Variants in TM9SF4 observed in about 807,000 individuals in gnomAD.
TM9SF4 encodes the protein transmembrane 9 superfamily member 4.
TM9SF4 carries 26 observed loss-of-function variants against 90.4 expected under a neutral mutation model. The observed-to-expected ratio is 0.29, with a 90% CI of 0.21 to 0.40. TM9SF4 has a LOEUF of 0.40. TM9SF4 is among the 10% of genes least tolerant of loss of function. The probability of loss-of-function intolerance (pLI) is 1.00; values close to 1 mark genes in which losing one functional copy is unlikely to be tolerated. For missense variants in TM9SF4, 549 were observed against 834.8 expected, an observed-to-expected ratio of 0.66 and a Z score of 4.22; for synonymous variants, 293 against 315.4, an observed-to-expected ratio of 0.93 and a Z score of 0.75.
At chr20:32,115,731 C>T (rs1443966917) in intron 1 of TM9SF4, among the ~76,000 whole-genome samples, 5 of 150,432 alleles carry the variant, frequency 3.3e-5, no homozygotes, top group Non-Finnish European at 7.4e-5. Flanking sequence ...TTGGGAAAAC[C>T]GTTTGCGCTT....
At chr20:32,127,859 G>A (rs2046446598) in intron 1 of TM9SF4, among the ~76,000 whole-genome samples, 1 of 152,190 alleles carries the variant, frequency 6.6e-6, no homozygotes, top group African/African-American at 2.4e-5. Flanking sequence ...GATAACCAGA[G>A]GAGATTGTGA....
chr20:32,161,263 GT>G lies in TM9SF4; in HGVS notation c.1690-10del. The G allele has an allele frequency of 6.2e-7, 1 of 1,612,858 alleles. No individual in the cohort carries two copies. On this transcript the variant is annotated splice_polypyrimidine_tract_variant and intron_variant, in intron 16 of 17. Transcript: ENST00000398022. ...CCCAGGACAACACTGACCTTCCTCT[GT>G]TTCCTCCTCAGGATTACCGCTGGTG...
intron 1 of TM9SF4, 87 bp downstream of exon 1, chr20:32,109,842 G>A (rs1476898161): frequency 1.3e-6 from 2 of 1,546,678 alleles, no homozygotes; most frequent in Admixed American, 2.0e-5. Context: ...GCCTGGCCCT[G>A]AGCCACCTCC....
intron 1 of TM9SF4, among the ~76,000 whole-genome samples, chr20:32,125,153 T>TG (rs73621658): frequency 6.6e-6 from 1 of 152,126 alleles, no homozygotes; most frequent in East Asian, 1.9e-4. Flanking sequence ...GCCCTTAGAG[T>TG]GGGCCCACTG....
chr20:32,141,251 G>T (rs933293709), intron 3 of TM9SF4, among the ~76,000 whole-genome samples: 1 of 149,130 alleles, frequency 6.7e-6, no homozygotes, highest in Non-Finnish European at 1.5e-5. Flanking sequence ...AGGATGTGAT[G>T]CTTGATGAGT....
chr20:32,128,184 C>G (rs924234337), intron 1 of TM9SF4, among the ~76,000 whole-genome samples: 1 of 152,148 alleles, frequency 6.6e-6, no homozygotes, highest in Non-Finnish European at 1.5e-5. Flanking sequence ...AGGCTCAGTG[C>G]TTTCCCTAGC....
At chr20:32,122,127 C>T (rs1172328090) in intron 1 of TM9SF4, among the ~76,000 whole-genome samples, 6 of 143,356 alleles carry the variant, frequency 4.2e-5, no homozygotes, top group African/African-American at 1.6e-4. Context: ...CCCTCACCTC[C>T]CAGACGGGGC....
chr20:32,146,462 C>A (rs979710761), intron 8 of TM9SF4, among the ~76,000 whole-genome samples: 3 of 152,082 alleles, frequency 2.0e-5, no homozygotes, highest in Non-Finnish European at 4.4e-5. Flanking sequence ...AGAGGTGGAG[C>A]CACAGGCAGC....
At chr20:32,145,241 A>G in intron 7 of TM9SF4, 32 bp downstream of exon 7, 1 of 1,613,380 alleles carries the variant, frequency 6.2e-7, no homozygotes, top group Non-Finnish European at 8.5e-7. Context: ...TGGGCAGGGG[A>G]GGAGGGCTCT....
At chr20:32,123,190 A>G (rs1292091056) in intron 1 of TM9SF4, among the ~76,000 whole-genome samples, 11 of 1,088 alleles carry the variant, frequency 0.01, no homozygotes, top group South Asian at 0.062. Flanking sequence ...GGGGAGGGGG[A>G]GAGGGGGAGG....
In TM9SF4 at chr20:32,145,156, A is replaced by G. The variant is rs757352238; in HGVS notation, c.718A>G (p.Ile240Val). The stretch of plus-strand genomic sequence containing the variant: ...GGGTACCAACTCCTCGCCCCAAGAA[A>G]TTGACCCCACCAAGGAGAATCAGCT... Reference protein sequence around the residue: ...PEGTNSSPQEIDPTKENQLYF... With the variant: ...PEGTNSSPQEVDPTKENQLYF... Residue 240 changes from isoleucine (I) to valine (V), a missense_variant, in exon 7 of 18, where the codon ATT becomes GTT. Transcript: ENST00000398022. 1.2e-5 allele frequency: 20 copies of G among 1,613,976 alleles called. No individual in the cohort carries two copies. Among genetic ancestry groups the G allele is most frequent in the Non-Finnish European group, 1.7e-5 (20 of 1,180,020 alleles).
In TM9SF4 at chr20:32,159,982, G is replaced by A; in HGVS notation, c.1570-10G>A. 15 of 1,614,236 alleles carry A rather than the reference G, an allele frequency of 9.3e-6. No individual in the cohort carries two copies. Among genetic ancestry groups the A allele is most frequent in the Non-Finnish European group, 1.3e-5 (15 of 1,180,028 alleles). ...GTCAAGCCAGCTGAAGCCCCACTGT[G>A]TGTCCACAGGCTATCTGGGAGAATC... On this transcript the variant is annotated splice_polypyrimidine_tract_variant and intron_variant, in intron 15 of 17. Transcript: ENST00000398022.
chr20:32,150,555 G>GGGGCTA, intron 10 of TM9SF4, 67 bp from the exon 11 acceptor site: 1 of 1,595,728 alleles, frequency 6.3e-7, no homozygotes, highest in Non-Finnish European at 8.6e-7. Context: ...GGCTGGGGCT[G>GGGGCTA]GGGCTAGAGG....
chr20:32,145,746 C>T (rs1043757623), intron 8 of TM9SF4, among the ~76,000 whole-genome samples: 1 of 152,096 alleles, frequency 6.6e-6, no homozygotes, highest in Non-Finnish European at 1.5e-5. Context: ...TGAACAAGCC[C>T]GACCCAGTCT....
chr20:32,161,635 A>G (rs2047020667), intron 17 of TM9SF4, among the ~76,000 whole-genome samples: 1 of 152,262 alleles, frequency 6.6e-6, no homozygotes, highest in South Asian at 2.1e-4. Flanking sequence ...GCCATAGCCA[A>G]AGCAGGACTT....
intron 1 of TM9SF4, among the ~76,000 whole-genome samples, chr20:32,123,700 A>C (rs1483864015): frequency 1.3e-5 from 2 of 150,520 alleles, no homozygotes; most frequent in Non-Finnish European, 3.0e-5. Flanking sequence ...CTTTATTCTT[A>C]GGAAACTTTC....
intron 3 of TM9SF4, chr20:32,137,123 G>C: frequency 2.2e-6 from 1 of 445,416 alleles, no homozygotes; most frequent in Non-Finnish European, 4.5e-6. Context: ...ACAGAGATTG[G>C]CCTCAGAGCC....
At chr20:32,155,223 C>A in intron 13 of TM9SF4, 37 bp downstream of exon 13, 1 of 1,548,646 alleles carries the variant, frequency 6.5e-7, no homozygotes, top group South Asian at 1.1e-5. Flanking sequence ...CCCTCCCCAG[C>A]AAGCGAGGAC....
At chr20:32,144,662 C>T (rs969224740) in intron 6 of TM9SF4, among the ~76,000 whole-genome samples, 9 of 152,168 alleles carry the variant, frequency 5.9e-5, no homozygotes, top group South Asian at 4.1e-4. Context: ...GTGATCCCAG[C>T]GCTTTGGGAG....
Sources: allele counts gnomAD v4.1 joint callset (sites outside exome capture counted in the v4.1 genomes callset), GRCh38; gene constraint gnomAD v4.1.1; transcripts MANE v1.5; gene names NCBI Gene and HGNC (gene_info 2026-07-23, HGNC 2026-07-21).